The following MAF variants were observed in gnomAD, a reference collection of about 807,000 sequenced individuals.
MAF encodes the protein transcription factor Maf.
In MAF, 10 loss-of-function variants were observed where a neutral mutation model predicts 22.0. The ratio of observed to expected loss-of-function variants is 0.45; its 90% CI spans 0.28 to 0.77. MAF has a LOEUF of 0.77. Among genes scored for constraint, MAF ranks in the 30% least tolerant of loss-of-function variants. The pLI is 0.12. For missense variants in MAF, 544 were observed against 548.4 expected, an observed-to-expected ratio of 0.99 and a Z score of 0.08; for synonymous variants, 337 against 255.8, an observed-to-expected ratio of 1.32 and a Z score of -3.03.
chr16:79,260,221 G>A, the MAF span, among the ~76,000 whole-genome samples: 1 of 152,172 alleles, frequency 6.6e-6, no homozygotes, highest in Non-Finnish European at 1.5e-5. Flanking sequence ...TGCAGTCGTG[G>A]CTTACTGAAG....
chr16:79,480,326 ATT>A, the MAF span, among the ~76,000 whole-genome samples: 2 of 150,834 alleles, frequency 1.3e-5, no homozygotes, highest in African/African-American at 2.4e-5. Context: ...TTGAAATACA[ATT>A]TTTTTTTTCA....
the MAF span, among the ~76,000 whole-genome samples, chr16:79,236,326 C>T: frequency 6.6e-6 from 1 of 151,908 alleles, no homozygotes; most frequent in African/African-American, 2.4e-5. Flanking sequence ...GTCTCCTTTC[C>T]CTCCCTCTCC....
rs1304561992 is a variant in MAF, at chr16:79,600,005, G to A, written c.-103C>T. 8 of 1,522,560 alleles carry A rather than the reference G, an allele frequency of 5.3e-6. No individual in the cohort carries two copies. Among genetic ancestry groups the A allele is most frequent in the African/African-American group, 1.4e-5 (1 of 73,196 alleles). The allele number at this position is 1,522,560 out of a possible 1,614,324, so 94.3% of individuals were successfully genotyped here. ...TGGCCAGCGGGTGAGCCAGCTTGCC[G>A]GGCTGGGGCGCTTCTAGCTTGCGCG... On this transcript the variant is annotated 5_prime_UTR_variant, in exon 1 of 2. Coordinates refer to ENST00000326043, the MANE Select transcript of MAF (RefSeq NM_005360.5).
At chr16:79,545,478 T>C in the MAF span, among the ~76,000 whole-genome samples, 1 of 151,636 alleles carries the variant, frequency 6.6e-6, no homozygotes, top group Non-Finnish European at 1.5e-5. Flanking sequence ...ATTGCATGCC[T>C]ATGAAGATGG....
the MAF span, among the ~76,000 whole-genome samples, chr16:79,490,483 T>A: frequency 6.6e-6 from 1 of 152,198 alleles, no homozygotes; most frequent in East Asian, 1.9e-4. Context: ...AAATAAATTA[T>A]GATACACTCA....
At chr16:79,322,810 T>C in the MAF span, among the ~76,000 whole-genome samples, 1 of 151,996 alleles carries the variant, frequency 6.6e-6, no homozygotes, top group Non-Finnish European at 1.5e-5. Context: ...TGTAGTCAGC[T>C]CACCGGACCC....
chr16:79,428,669 A>G, the MAF span, among the ~76,000 whole-genome samples: 1 of 151,990 alleles, frequency 6.6e-6, no homozygotes, highest in African/African-American at 2.4e-5. Context: ...GTGAGACACC[A>G]TCTCTACAAA....
the MAF span, among the ~76,000 whole-genome samples, chr16:79,207,421 T>G: frequency 6.6e-6 from 1 of 152,256 alleles, no homozygotes; most frequent in Non-Finnish European, 1.5e-5. Context: ...TCAAAAGGGC[T>G]GTTCTCCTTC....
chr16:79,448,893 A>T, the MAF span, among the ~76,000 whole-genome samples: 1 of 152,040 alleles, frequency 6.6e-6, no homozygotes, highest in Admixed American at 6.5e-5. Context: ...GGAGGCAGGG[A>T]TGGTTTGGGG....
At chr16:79,598,663 G>C (rs1913745631) in intron 1 of MAF, 122 bp downstream of exon 1, 2 of 1,540,124 alleles carry the variant, frequency 1.3e-6, no homozygotes, top group Admixed American at 3.9e-5. Context: ...GCCAAACTCG[G>C]TGGGGGTGGG....
the MAF span, among the ~76,000 whole-genome samples, chr16:79,378,157 T>C: frequency 6.6e-6 from 1 of 152,180 alleles, no homozygotes; most frequent in Non-Finnish European, 1.5e-5. Context: ...TTCCTACCCA[T>C]GAGCACTCAC....
the MAF span, among the ~76,000 whole-genome samples, chr16:79,342,557 TCCATTA>T: frequency 6.6e-6 from 1 of 152,002 alleles, no homozygotes; most frequent in African/African-American, 2.4e-5. Context: ...CGTCACCATC[TCCATTA>T]CCATCACCAT....
the MAF span, among the ~76,000 whole-genome samples, chr16:79,242,595 A>T: frequency 6.6e-6 from 1 of 151,930 alleles, no homozygotes; most frequent in African/African-American, 2.4e-5. Context: ...ACTCCCACAC[A>T]CTAATAGTGG....
At chr16:79,361,223 C>T in the MAF span, among the ~76,000 whole-genome samples, 3 of 152,130 alleles carry the variant, frequency 2.0e-5, no homozygotes, top group Admixed American at 6.5e-5. Context: ...GTTGTCCCCT[C>T]ATTAGGAGAG....
the MAF span, among the ~76,000 whole-genome samples, chr16:79,413,237 TTTTTTTTTTTTTTTTTTTTTTTTG>T: frequency 3.8e-5 from 3 of 78,164 alleles, no homozygotes; most frequent in Admixed American, 1.3e-4. Flanking sequence ...TTTTTTTTTT[TTTTTTTTTTTTTTTTTTTTTTTTG>T]AGACGGAGTC....
the MAF span, among the ~76,000 whole-genome samples, chr16:79,434,728 C>A: frequency 6.6e-6 from 1 of 151,672 alleles, no homozygotes; most frequent in Non-Finnish European, 1.5e-5. Flanking sequence ...TATTTTATTT[C>A]CTATTAAAGA....
At chr16:79,402,624 G>A in the MAF span, among the ~76,000 whole-genome samples, 3 of 152,248 alleles carry the variant, frequency 2.0e-5, no homozygotes, top group Admixed American at 2.0e-4. Flanking sequence ...AGCCAGCCCA[G>A]CTCCAGGGGA....
At chr16:79,395,566 G>A in the MAF span, among the ~76,000 whole-genome samples, 7 of 152,006 alleles carry the variant, frequency 4.6e-5, no homozygotes, top group African/African-American at 9.7e-5. Context: ...GCCATATGAC[G>A]GGGGGCAGAG....
chr16:79,241,955 C>G, the MAF span, among the ~76,000 whole-genome samples: 2 of 151,844 alleles, frequency 1.3e-5, no homozygotes, highest in East Asian at 1.9e-4. Flanking sequence ...GCTTCATAAG[C>G]AGAGGAGAAA....
Sources: gnomAD v4.1 joint callset for allele counts (sites outside exome capture counted in the v4.1 genomes callset) on GRCh38, gnomAD v4.1.1 for gene constraint, MANE v1.5 for transcripts, NCBI Gene and HGNC (gene_info 2026-07-23, HGNC 2026-07-21) for gene names.